B3GALT1: variants seen among roughly 807,000 people sequenced by gnomAD.
The protein encoded by B3GALT1 is UDP-Gal:betaGlcNAc beta 1,3-galactosyltransferase, polypeptide 1.
In B3GALT1, 10 loss-of-function variants were observed where a neutral mutation model predicts 23.2. The ratio of observed to expected loss-of-function variants is 0.43; its 90% CI spans 0.27 to 0.73. The LOEUF (loss-of-function observed/expected upper bound fraction) is 0.73. Among genes scored for constraint, B3GALT1 ranks in the 30% least tolerant of loss-of-function variants. The pLI, the probability that B3GALT1 is intolerant of heterozygous loss-of-function variation, is 0.21. For missense variants in B3GALT1, 299 were observed against 405.4 expected (o/e 0.74, Z 2.25); for synonymous variants, 156 against 141.5 (o/e 1.10, Z -0.73).
At chr2:167,546,795 G>A (rs1683645577) in intron 2 of B3GALT1, among the ~76,000 whole-genome samples, 1 of 152,094 alleles carries the variant, frequency 6.6e-6, no homozygotes, top group African/African-American at 2.4e-5. Context: ...ATATTTCCCT[G>A]TGGTGCAGTC....
intron 1 of B3GALT1, among the ~76,000 whole-genome samples, chr2:167,334,457 A>G (rs1193716535): frequency 6.6e-6 from 1 of 152,206 alleles, no homozygotes; most frequent in Non-Finnish European, 1.5e-5. Context: ...AAAGGAGGTC[A>G]TGAACTGATT....
At chr2:167,812,443 A>G (rs1688908010) in intron 3 of B3GALT1, among the ~76,000 whole-genome samples, 1 of 152,226 alleles carries the variant, frequency 6.6e-6, no homozygotes, top group African/African-American at 2.4e-5. Flanking sequence ...TTTGCTTGTT[A>G]TAAAGGTAAA....
intron 3 of B3GALT1, among the ~76,000 whole-genome samples, chr2:167,818,285 T>C (rs1689037471): frequency 6.6e-6 from 1 of 152,226 alleles, no homozygotes; most frequent in South Asian, 2.1e-4. Flanking sequence ...GGCCTGTTTA[T>C]CTTTGTGGCA....
chr2:167,850,817 G>A (rs1306919316), intron 4 of B3GALT1, among the ~76,000 whole-genome samples: 1 of 152,100 alleles, frequency 6.6e-6, no homozygotes, highest in Non-Finnish European at 1.5e-5. Flanking sequence ...GACTTGGGGG[G>A]AAGAGTGGGA....
intron 3 of B3GALT1, among the ~76,000 whole-genome samples, chr2:167,784,515 C>G (rs1209094243): frequency 6.6e-6 from 1 of 152,166 alleles, no homozygotes; most frequent in African/African-American, 2.4e-5. Context: ...TAAGTATTCC[C>G]ACCTTGGGGA....
At chr2:167,435,175 T>A (rs1318323595) in intron 1 of B3GALT1, among the ~76,000 whole-genome samples, 2 of 151,902 alleles carry the variant, frequency 1.3e-5, no homozygotes, top group Non-Finnish European at 2.9e-5. Context: ...GAAAGATACA[T>A]ACATTTTTTA....
chr2:167,392,827 A>G (rs1284920225), intron 1 of B3GALT1, among the ~76,000 whole-genome samples: 1 of 152,196 alleles, frequency 6.6e-6, no homozygotes, highest in South Asian at 2.1e-4. Flanking sequence ...TAAATCATTC[A>G]TGCCAAGAAC....
intron 3 of B3GALT1, among the ~76,000 whole-genome samples, chr2:167,668,735 C>G (rs1185751088): frequency 6.6e-6 from 1 of 152,190 alleles, no homozygotes; most frequent in Non-Finnish European, 1.5e-5. Context: ...TCACCCCTTT[C>G]TTTGACTAGG....
At position 167,461,688 on chromosome 2, in the gene B3GALT1, T is replaced by C. The variant is rs113300070; in HGVS notation, c.-510-28489T>C. Among the ~76,000 whole-genome samples, 528 of 152,300 alleles carry C rather than the reference T, an allele frequency of 3.5e-3. 3 individuals carry two copies. The highest frequency in any genetic ancestry group is 0.012 in the African/African-American group (516 of 41,572). ...ATGAAGTTGTAAAATGTAATTTCCT[T>C]GAGTATATTTTAAATTAGCTAAATT... On this transcript the variant is annotated intron_variant, in intron 1 of 4. Coordinates refer to ENST00000392690, the MANE Select transcript of B3GALT1 (RefSeq NM_020981.4).
Position 167,825,725 on chromosome 2 carries a change from CTG to C in B3GALT1, c.-230+6935_-230+6936del, listed in dbSNP as rs1295046776. On this transcript the variant is annotated intron_variant, in intron 4 of 4. Coordinates refer to ENST00000392690, the MANE Select transcript of B3GALT1 (RefSeq NM_020981.4). ...CCAGCTCCTGTAGAAATGAGAGACA[CTG>C]TGATTGTGCATCTGCCCCTCTGACT... Among the ~76,000 whole-genome samples the C allele has an allele frequency of 2.0e-5, 3 of 152,098 alleles. No individual in the cohort carries two copies. In the East Asian group the frequency reaches 5.8e-4, roughly 29 times the overall value.
chr2:167,650,876 A>G (rs1685851471), intron 3 of B3GALT1, among the ~76,000 whole-genome samples: 2 of 152,180 alleles, frequency 1.3e-5, no homozygotes, highest in Admixed American at 6.6e-5. Context: ...CTAAATGGAA[A>G]TATGCTAACA....
intron 1 of B3GALT1, among the ~76,000 whole-genome samples, chr2:167,447,630 T>G (rs1224914578): frequency 6.6e-6 from 1 of 151,930 alleles, no homozygotes; most frequent in African/African-American, 2.4e-5. Flanking sequence ...TAGCAATGAG[T>G]GAACCTCCAT....
At chr2:167,333,224 A>T (rs1020622986) in intron 1 of B3GALT1, among the ~76,000 whole-genome samples, 5 of 152,216 alleles carry the variant, frequency 3.3e-5, no homozygotes, top group African/African-American at 1.2e-4. Context: ...TGAACAAGCG[A>T]TAACTAACCT....
chr2:167,579,430 G>GT (rs1553469287), intron 2 of B3GALT1, among the ~76,000 whole-genome samples: 2 of 63,632 alleles, frequency 3.1e-5, no homozygotes, highest in African/African-American at 2.4e-4. Flanking sequence ...GTTTTTTTTT[G>GT]TCTTTTTTTT....
intron 1 of B3GALT1, among the ~76,000 whole-genome samples, chr2:167,406,145 T>C (rs1285700905): frequency 6.6e-6 from 1 of 152,120 alleles, no homozygotes; most frequent in Non-Finnish European, 1.5e-5. Context: ...CTTTATACCA[T>C]ATGCAAAAAG....
At chr2:167,711,582 G>A (rs1248674438) in intron 3 of B3GALT1, among the ~76,000 whole-genome samples, 1 of 152,092 alleles carries the variant, frequency 6.6e-6, no homozygotes, top group African/African-American at 2.4e-5. Flanking sequence ...TTTTTTCTGA[G>A]TCTGAATCTG....
chr2:167,871,953 G>A lies in B3GALT1; in HGVS notation c.*1933G>A, dbSNP rs1316523990. 1 of 138,610 alleles carries A rather than the reference G, an allele frequency of 7.2e-6. No individual in the cohort carries two copies. Among genetic ancestry groups the A allele is most frequent in the Non-Finnish European group, 1.5e-5 (1 of 65,990 alleles). 8.6% of individuals were successfully genotyped at this position (138,610 alleles called of 1,614,324 possible). ...GTCTAGCTCTGTGGCCCAGGCGGGA[G>A]TGCAGTGGCACAATCTCGGCTCACT... On this transcript the variant is annotated 3_prime_UTR_variant, in exon 5 of 5. Coordinates refer to ENST00000392690, the MANE Select transcript of B3GALT1 (RefSeq NM_020981.4).
At chr2:167,396,560 G>A (rs1698101560) in intron 1 of B3GALT1, among the ~76,000 whole-genome samples, 1 of 149,622 alleles carries the variant, frequency 6.7e-6, no homozygotes, top group Admixed American at 6.7e-5. Flanking sequence ...GTGTGTGTGT[G>A]TGTGTTTAAT....
chr2:167,404,686 C>G (rs767890266), intron 1 of B3GALT1, among the ~76,000 whole-genome samples: 6 of 152,158 alleles, frequency 3.9e-5, no homozygotes, highest in Non-Finnish European at 8.8e-5. Context: ...GTACAGTTTG[C>G]TTGAAGACAT....
Sources: allele counts gnomAD v4.1 joint callset (sites outside exome capture counted in the v4.1 genomes callset), GRCh38; gene constraint gnomAD v4.1.1; transcripts MANE v1.5; gene names NCBI Gene and HGNC (gene_info 2026-07-23, HGNC 2026-07-21).